The following ABCC9 variants were observed in gnomAD, a reference collection of about 807,000 sequenced individuals.
ABCC9 encodes ATP binding cassette subfamily C member 9.
ABCC9 carries 95 observed loss-of-function variants against 188.3 expected under a neutral mutation model. The observed-to-expected ratio is 0.50, with a 90% CI of 0.43 to 0.60. ABCC9 has a LOEUF of 0.60. Ranked by LOEUF, ABCC9 falls within the 20% of genes least tolerant of loss-of-function variation. The pLI is 0.00. For synonymous variants in ABCC9, 659 were observed against 652.7 expected, an observed-to-expected ratio of 1.01 and a Z score of -0.15; for missense variants, 1,102 against 1,876.3, an observed-to-expected ratio of 0.59 and a Z score of 7.62.
At chr12:21,918,660 C>G (rs1227498229) in intron 5 of ABCC9, among the ~76,000 whole-genome samples, 1 of 152,106 alleles carries the variant, frequency 6.6e-6, no homozygotes, top group Non-Finnish European at 1.5e-5. Flanking sequence ...ATTGGGTTCT[C>G]TATTCCAGGT....
intron 31 of ABCC9, chr12:21,827,223 ATATCT>A: frequency 1.0e-6 from 1 of 985,340 alleles, no homozygotes; most frequent in African/African-American, 1.7e-5. Context: ...TAAGGCTCTA[ATATCT>A]TGTCTTCTGG....
At chr12:21,829,120 A>T (rs1943564370) in intron 30 of ABCC9, 60 bp from the exon 31 acceptor site, 7 of 1,143,034 alleles carry the variant, frequency 6.1e-6, no homozygotes, top group Non-Finnish European at 9.2e-6. Context: ...AGAAACAGTC[A>T]CACTTATTAC....
At chr12:21,818,051 T>A in intron 32 of ABCC9, 99 bp downstream of exon 32, 8 of 583,478 alleles carry the variant, frequency 1.4e-5, no homozygotes, top group Non-Finnish European at 2.4e-5. Context: ...GTAATTCCCC[T>A]CTCTGTGCTC....
At chr12:21,901,383 G>A (rs959557287) in intron 12 of ABCC9, among the ~76,000 whole-genome samples, 1 of 152,190 alleles carries the variant, frequency 6.6e-6, no homozygotes, top group African/African-American at 2.4e-5. Context: ...ATGCTAGGAA[G>A]AAACTGCATC....
chr12:21,891,501 T>A (rs1947158579), intron 14 of ABCC9, among the ~76,000 whole-genome samples: 1 of 152,168 alleles, frequency 6.6e-6, no homozygotes, highest in African/African-American at 2.4e-5. Context: ...ACCTGCCTCA[T>A]TCTTCCATTT....
At chr12:21,895,626 G>A (rs557148670) in intron 12 of ABCC9, among the ~76,000 whole-genome samples, 1 of 152,296 alleles carries the variant, frequency 6.6e-6, no homozygotes, top group East Asian at 1.9e-4. Flanking sequence ...ATTTACAAAT[G>A]TGTATTCTAC....
chr12:21,941,412 C>T lies in ABCC9; in HGVS notation c.-349G>A, dbSNP rs1395839601. Reference sequence around the variant, plus strand: ...GCCGGAGACCTTCCCCATCCCTGCTCTGCTCAGCTTTGACTTGGGGCGGGC... The same window carrying T: ...GCCGGAGACCTTCCCCATCCCTGCTTTGCTCAGCTTTGACTTGGGGCGGGC... On this transcript the variant is annotated 5_prime_UTR_variant, in exon 1 of 40. Coordinates refer to ENST00000261200, the MANE Select transcript of ABCC9 (RefSeq NM_020297.4). The surrounding 1 kb of genome is among the most constrained non-coding windows in gnomAD (Gnocchi z 5.4). 1.3e-5 allele frequency: 2 copies of T among 152,356 alleles called. No homozygotes were observed. The highest frequency in any genetic ancestry group is 3.9e-4 in the East Asian group (2 of 5,188). The allele number at this position is 152,356 out of a possible 1,614,324, so 9.4% of individuals were successfully genotyped here.
At chr12:21,852,055 T>G in intron 24 of ABCC9, 42 bp downstream of exon 24, 2 of 1,611,800 alleles carry the variant, frequency 1.2e-6, no homozygotes. Flanking sequence ...TTCTAACTCT[T>G]CTGAATTGGG....
chr12:21,812,379 A>G (rs1018935403), intron 35 of ABCC9, among the ~76,000 whole-genome samples: 1 of 152,192 alleles, frequency 6.6e-6, no homozygotes, highest in East Asian at 1.9e-4. Flanking sequence ...AAATCATTCT[A>G]CTTTAAAGAC....
At chr12:21,839,830 A>G (rs1267822027) in intron 29 of ABCC9, among the ~76,000 whole-genome samples, 3 of 152,180 alleles carry the variant, frequency 2.0e-5, no homozygotes, top group Non-Finnish European at 4.4e-5. Context: ...TCTTTTCAAA[A>G]TGGAGTTTCT....
In ABCC9 at chr12:21,848,194, A is replaced by G; in HGVS notation, c.2822T>C (p.Met941Thr). 1 of 1,613,618 alleles carries G rather than the reference A, an allele frequency of 6.2e-7. No individual in the cohort carries two copies. Among genetic ancestry groups the G allele is most frequent in the South Asian group, 1.1e-5 (1 of 91,074 alleles). The change falls in exon 25 of 40, where the codon ATG (methionine) becomes ACG (threonine). Residue 941 changes from methionine to threonine, a missense_variant. Transcript: ENST00000261200. ...TLERKTLRRA[M>T]YSREAKAQME... ...CTGGGCTTTGGCTTCTCTTGAATAC[A>G]TGGCCCGTCGGAGAGTTTTCCTCTC...
chr12:21,915,514 A>ATATATATATTTTTTTTTT lies in ABCC9; in HGVS notation c.816+153_816+154insAAAAAAAAAATATATATA. ...TGTGTGTGTGTGTATATATATATATATTTTTTTTTTTTTTTTGAGACAGAG... is the reference window on the plus strand; with the variant it reads ...TGTGTGTGTGTGTATATATATATATATATATATATTTTTTTTTTTTTTTTTTTTTTTTTTGAGACAGAG... On this transcript the variant is annotated intron_variant, in intron 7 of 39. Coordinates refer to ENST00000261200, the MANE Select transcript of ABCC9 (RefSeq NM_020297.4). Among the ~76,000 whole-genome samples the ATATATATATTTTTTTTTT allele has an allele frequency of 2.3e-3, 8 of 3,518 alleles. 1 individual carries two copies. The highest frequency in any genetic ancestry group is 6.7e-3 in the Admixed American group (1 of 150). 2.3% of individuals were successfully genotyped at this position (3,518 alleles called of 152,430 possible).
intron 30 of ABCC9, among the ~76,000 whole-genome samples, chr12:21,833,736 T>C (rs1943906720): frequency 6.6e-6 from 1 of 152,162 alleles, no homozygotes; most frequent in Admixed American, 6.5e-5. Context: ...CATACCTTCA[T>C]AGAGGAGCTA....
At chr12:21,923,977 T>A (rs1948945545) in intron 5 of ABCC9, 1 of 541,924 alleles carries the variant, frequency 1.8e-6, no homozygotes, top group African/African-American at 1.9e-5. Flanking sequence ...CATCAAAAAA[T>A]CATGCTTAGA....
At chr12:21,863,997 CT>C (rs1326477308) in intron 19 of ABCC9, among the ~76,000 whole-genome samples, 2 of 151,990 alleles carry the variant, frequency 1.3e-5, no homozygotes, top group East Asian at 3.9e-4. Context: ...GACATGCCTG[CT>C]TTCCCCCCCA....
chr12:21,832,922 T>C (rs977484953), intron 30 of ABCC9, among the ~76,000 whole-genome samples: 1 of 152,132 alleles, frequency 6.6e-6, no homozygotes, highest in African/African-American at 2.4e-5. Context: ...TATATATACA[T>C]CATGGAATAC....
intron 18 of ABCC9, among the ~76,000 whole-genome samples, chr12:21,868,849 T>C (rs949257488): frequency 6.6e-6 from 1 of 152,216 alleles, no homozygotes; most frequent in Non-Finnish European, 1.5e-5. Context: ...CTAAATTAGC[T>C]TAGCTTTAAT....
intron 16 of ABCC9, among the ~76,000 whole-genome samples, chr12:21,878,548 A>G (rs1592133894): frequency 6.6e-6 from 1 of 152,168 alleles, no homozygotes; most frequent in East Asian, 1.9e-4. Context: ...TTGGAAGTTT[A>G]AATCCTAACT....
At chr12:21,878,388 C>T (rs1303581467) in intron 16 of ABCC9, among the ~76,000 whole-genome samples, 2 of 152,140 alleles carry the variant, frequency 1.3e-5, no homozygotes, top group Admixed American at 1.3e-4. Flanking sequence ...TACCTTTCTG[C>T]AGCAATCCAA....
Sources: allele counts gnomAD v4.1 joint callset (sites outside exome capture counted in the v4.1 genomes callset), GRCh38; gene constraint gnomAD v4.1.1; non-coding constraint Gnocchi (gnomAD v3.1); transcripts MANE v1.5; gene names NCBI Gene and HGNC (gene_info 2026-07-23, HGNC 2026-07-21).